TMEM71: variants seen among roughly 807,000 people sequenced by gnomAD.
The protein encoded by TMEM71 is transmembrane protein 71.
A neutral mutation model predicts 38.0 loss-of-function variants in TMEM71; 44 were observed. The observed-to-expected ratio is 1.16, with a 90% confidence interval of 0.91 to 1.49. TMEM71 has a LOEUF of 1.49. Ranked by LOEUF, TMEM71 falls within the 40% of genes most tolerant of loss-of-function variation. The pLI is 0.00. For synonymous variants in TMEM71, 133 were observed against 122.5 expected, an observed-to-expected ratio of 1.09 and a Z score of -0.56; for missense variants, 367 against 348.6, an observed-to-expected ratio of 1.05 and a Z score of -0.42.
intron 3 of TMEM71, among the ~76,000 whole-genome samples, chr8:132,756,469 T>C (rs1370739035): frequency 2.8e-5 from 4 of 144,772 alleles, no homozygotes; most frequent in African/African-American, 7.7e-5. Context: ...CAAGTTTTTA[T>C]TTAGTATGTA....
downstream of TMEM71, among the ~76,000 whole-genome samples, chr8:132,708,307 AT>A (rs1826124226): frequency 1.3e-5 from 2 of 152,184 alleles, no homozygotes; most frequent in East Asian, 3.8e-4. Flanking sequence ...TCTGCAGGAT[AT>A]TAAGGTTATA....
At chr8:132,717,949 A>T (rs1826624250) in intron 7 of TMEM71, among the ~76,000 whole-genome samples, 1 of 152,242 alleles carries the variant, frequency 6.6e-6, no homozygotes, top group Non-Finnish European at 1.5e-5. Context: ...TACAACATGG[A>T]TGAACTCTGA....
chr8:132,737,522 A>G (rs1452735206), intron 5 of TMEM71, among the ~76,000 whole-genome samples: 1 of 152,174 alleles, frequency 6.6e-6, no homozygotes, highest in African/African-American at 2.4e-5. Context: ...GCTTTTTCCC[A>G]GGATTAAGAG....
chr8:132,757,658 T>A (rs1307591535), intron 2 of TMEM71, among the ~76,000 whole-genome samples: 9 of 151,884 alleles, frequency 5.9e-5, no homozygotes. Context: ...ACCCCGTCTT[T>A]ACTAAAATAT....
Position 132,710,762 on chromosome 8 carries a change from T to C in TMEM71, c.*205A>G, listed in dbSNP as rs937238957. The stretch of plus-strand genomic sequence containing the variant: ...CCGGTGTTTGCAAAGGGAAGGCAAA[T>C]TAATATTATTTTCATGAGCATATTA... On this transcript the variant is annotated 3_prime_UTR_variant, in exon 10 of 10. Coordinates refer to ENST00000677595, the MANE Select transcript of TMEM71 (RefSeq NM_001382403.1). 1.7e-6 allele frequency: 1 copy of C among 590,888 alleles called. No individual in the cohort carries two copies. Among genetic ancestry groups the C allele is most frequent in the East Asian group, 3.1e-5 (1 of 32,716 alleles). The allele number at this position is 590,888 out of a possible 1,614,324, so 36.6% of individuals were successfully genotyped here.
chr8:132,747,040 A>T lies in TMEM71; in HGVS notation c.389T>A (p.Leu130Gln), dbSNP rs771090777. ...LFNLSTSKSWLHGSIFGDINS... is the reference protein window; with the variant it reads ...LFNLSTSKSWQHGSIFGDINS... ...GATGTCACCAAAGATACTTCCATGCAGCCAAGATTTGGAGGTACTGAGGTT... is the reference window on the plus strand; with the variant it reads ...GATGTCACCAAAGATACTTCCATGCTGCCAAGATTTGGAGGTACTGAGGTT... Residue 130 changes from leucine to glutamine, a missense_variant, in exon 5 of 10, where the codon CTG becomes CAG. Transcript: ENST00000677595. 6.2e-7 allele frequency: 1 copy of T among 1,613,718 alleles called. No individual in the cohort carries two copies. Among genetic ancestry groups the T allele is most frequent in the East Asian group, 2.2e-5 (1 of 44,856 alleles).
intron 8 of TMEM71, 25 bp downstream of exon 8, chr8:132,714,129 A>G (rs927329648): frequency 6.2e-7 from 1 of 1,611,066 alleles, no homozygotes; most frequent in African/African-American, 1.3e-5. Flanking sequence ...GCATCATTGC[A>G]GTAATCTGGG....
intron 7 of TMEM71, among the ~76,000 whole-genome samples, chr8:132,719,568 A>G (rs1251340438): frequency 6.6e-6 from 1 of 152,240 alleles, no homozygotes; most frequent in Non-Finnish European, 1.5e-5. Context: ...TGTATGAGGC[A>G]TACTCAACCT....
In TMEM71 at chr8:132,741,359, G is replaced by A. The variant is rs1018270900; in HGVS notation, c.487+5583C>T. ...TGGGTCTCTCCCCATGTGTGGCGAC[G>A]AGAGAGTGTAGAAATAAAGACACAA... On this transcript the variant is annotated intron_variant, in intron 5 of 9. Transcript: ENST00000677595. Among the ~76,000 whole-genome samples, 5 of 152,270 alleles carry A rather than the reference G, an allele frequency of 3.3e-5. No individual in the cohort carries two copies. In the South Asian group the frequency reaches 6.2e-4, roughly 19 times the overall value.
At chr8:132,772,675 A>T in the TMEM71 span, among the ~76,000 whole-genome samples, 1 of 152,222 alleles carries the variant, frequency 6.6e-6, no homozygotes, top group African/African-American at 2.4e-5. Context: ...CAAGCTATAC[A>T]TATATACTTA....
downstream of TMEM71, among the ~76,000 whole-genome samples, chr8:132,708,365 G>T (rs187986460): frequency 2.6e-5 from 4 of 152,308 alleles, no homozygotes; most frequent in East Asian, 7.7e-4. Flanking sequence ...TCTGGCTGGA[G>T]CCCACTGCTA....
chr8:132,765,177 C>CT (rs1269865355), upstream of TMEM71, among the ~76,000 whole-genome samples: 4 of 152,118 alleles, frequency 2.6e-5, no homozygotes, highest in Middle Eastern at 3.2e-3. Context: ...CTCAGAATTC[C>CT]TTTTTTGCAT....
chr8:132,729,705 A>G (rs1827344410), intron 5 of TMEM71, among the ~76,000 whole-genome samples: 1 of 152,216 alleles, frequency 6.6e-6, no homozygotes, highest in East Asian at 1.9e-4. Flanking sequence ...TAGAAGTCAT[A>G]GTAGTCAAAG....
chr8:132,708,801 C>G (rs192180674), downstream of TMEM71, among the ~76,000 whole-genome samples: 1 of 152,260 alleles, frequency 6.6e-6, no homozygotes, highest in East Asian at 1.9e-4. Flanking sequence ...GGCAAGATGT[C>G]TAAAGTCAGA....
At position 132,757,423 on chromosome 8, in the gene TMEM71, T is replaced by A. The variant is rs1829086194; in HGVS notation, c.41-129A>T. On this transcript the variant is annotated intron_variant, in intron 2 of 9. Coordinates refer to ENST00000677595, the MANE Select transcript of TMEM71 (RefSeq NM_001382403.1). ...GTAAGAAGATGGGAATAGCTGATGT[T>A]CCAGCTTCAGCAGGAAGACTCCAGT... 2.4e-5 allele frequency: 15 copies of A among 634,250 alleles called. No individual in the cohort carries two copies. The South Asian group carries it at 2.5e-4, about 11-fold the overall frequency. 39.3% of individuals were successfully genotyped at this position (634,250 alleles called of 1,614,324 possible). A position where few individuals can be genotyped will look rare whatever the true frequency, so the allele number is the denominator to read the frequency against.
intron 4 of TMEM71, among the ~76,000 whole-genome samples, chr8:132,747,966 G>T (rs1427050108): frequency 6.6e-6 from 1 of 152,186 alleles, no homozygotes; most frequent in Non-Finnish European, 1.5e-5. Flanking sequence ...GCAGAGGGTG[G>T]CTCAGAGGTA....
rs540257744 is a variant in TMEM71, at chr8:132,740,721, C to T, written c.487+6221G>A. ...GAAAGGACAACGGTGGAGTTGAAGA[C>T]GCGACCAGCCACACGGACCTTTGAA... is the stretch of plus-strand genomic sequence containing the variant. On this transcript the variant is annotated intron_variant, in intron 5 of 9. Coordinates refer to ENST00000677595, the MANE Select transcript of TMEM71 (RefSeq NM_001382403.1). Among the ~76,000 whole-genome samples the T allele has an allele frequency of 1.5e-4, 23 of 152,310 alleles. No homozygotes were observed. In the South Asian group the frequency reaches 1.7e-3, roughly 11 times the overall value.
At chr8:132,746,578 G>T (rs1828400137) in intron 5 of TMEM71, among the ~76,000 whole-genome samples, 1 of 150,712 alleles carries the variant, frequency 6.6e-6, no homozygotes, top group Non-Finnish European at 1.5e-5. Context: ...TACTCATACT[G>T]GGACTTGAAC....
At chr8:132,741,471 C>A (rs569043473) in intron 5 of TMEM71, among the ~76,000 whole-genome samples, 1 of 152,226 alleles carries the variant, frequency 6.6e-6, no homozygotes, top group African/African-American at 2.4e-5. Flanking sequence ...GAATGTCTGG[C>A]TGTGCTGTTA....
Sources: gnomAD v4.1 joint callset for allele counts (sites outside exome capture counted in the v4.1 genomes callset) on GRCh38, gnomAD v4.1.1 for gene constraint, MANE v1.5 for transcripts, NCBI Gene and HGNC (gene_info 2026-07-23, HGNC 2026-07-21) for gene names.